The following NRXN1 variants were observed in gnomAD, a reference collection of about 807,000 sequenced individuals.
NRXN1 encodes neurexin 1.
Under a neutral mutation model 150.9 loss-of-function variants are expected in NRXN1, and 39 were observed. The ratio of observed to expected loss-of-function variants is 0.26; its 90% CI spans 0.20 to 0.34. The LOEUF (loss-of-function observed/expected upper bound fraction) is 0.34, where lower values mean the gene tolerates loss of function less well. Ranked by LOEUF, NRXN1 falls within the 10% of genes least tolerant of loss-of-function variation. The pLI is 1.00. For synonymous variants in NRXN1, 924 were observed against 757.0 expected, an observed-to-expected ratio of 1.22 and a Z score of -3.62; for missense variants, 1,815 against 1,949.9, an observed-to-expected ratio of 0.93 and a Z score of 1.30.
intron 21 of NRXN1, among the ~76,000 whole-genome samples, chr2:49,996,552 G>A (rs895524707): frequency 3.3e-5 from 5 of 152,184 alleles, no homozygotes; most frequent in East Asian, 1.9e-4. Flanking sequence ...ATCCTGGATT[G>A]TCTGGTGGGC....
At chr2:49,975,148 C>A (rs1678730829) in intron 21 of NRXN1, among the ~76,000 whole-genome samples, 1 of 150,834 alleles carries the variant, frequency 6.6e-6, no homozygotes, top group Non-Finnish European at 1.5e-5. Flanking sequence ...TACAGTCTGA[C>A]AGGGTAGGCT....
At chr2:50,567,448 C>T (rs1670043836) in intron 8 of NRXN1, among the ~76,000 whole-genome samples, 1 of 152,050 alleles carries the variant, frequency 6.6e-6, no homozygotes, top group Non-Finnish European at 1.5e-5. Context: ...GAGATACTCA[C>T]TTTGGAACAA....
At chr2:50,745,366 G>GCCTCC (rs1699897932) in intron 5 of NRXN1, among the ~76,000 whole-genome samples, 1 of 138,028 alleles carries the variant, frequency 7.2e-6, no homozygotes, top group Non-Finnish European at 1.5e-5. Flanking sequence ...GCTAATAAGT[G>GCCTCC]CCTCCCCTCC....
chr2:50,905,373 T>C (rs1683524511), intron 5 of NRXN1, among the ~76,000 whole-genome samples: 1 of 152,124 alleles, frequency 6.6e-6, no homozygotes, highest in Admixed American at 6.6e-5. Context: ...CACATAAATG[T>C]GTGAGTCTGG....
At chr2:51,027,222 G>A (rs946320153) in intron 2 of NRXN1, among the ~76,000 whole-genome samples, 25 of 152,182 alleles carry the variant, frequency 1.6e-4, no homozygotes, top group Non-Finnish European at 1.8e-4. Flanking sequence ...GGAATAAGAA[G>A]AGGCCATTGT....
At position 50,154,400 on chromosome 2, in the gene NRXN1, T is replaced by C. The variant is rs547476193; in HGVS notation, c.3547-62906A>G. Among the ~76,000 whole-genome samples, 3 of 151,730 alleles carry C rather than the reference T, an allele frequency of 2.0e-5. No individual in the cohort carries two copies. The East Asian group carries it at 5.8e-4, about 29-fold the overall frequency. On this transcript the variant is annotated intron_variant, in intron 18 of 22. Coordinates refer to ENST00000401669, the MANE Select transcript of NRXN1 (RefSeq NM_001330078.2). ...ACAAAAAAAACAGTGTGGAAAAAAT[T>C]AAGAAGCATGGGAATTGTAAATAAT...
intron 2 of NRXN1, among the ~76,000 whole-genome samples, chr2:50,983,770 T>C (rs1575125091): frequency 1.3e-5 from 2 of 152,232 alleles, no homozygotes; most frequent in Non-Finnish European, 1.5e-5. Flanking sequence ...AGGATGGATC[T>C]TGTCTATGTA....
intron 5 of NRXN1, among the ~76,000 whole-genome samples, chr2:50,899,886 T>G (rs978178756): frequency 6.6e-6 from 1 of 152,174 alleles, no homozygotes; most frequent in Non-Finnish European, 1.5e-5. Flanking sequence ...TTAGAAAGAA[T>G]TTTTGAATGT....
At chr2:50,619,604 G>A in intron 8 of NRXN1, 2 of 288,056 alleles carry the variant, frequency 6.9e-6, no homozygotes, top group Non-Finnish European at 6.3e-6. Flanking sequence ...CATAGTCGTT[G>A]CTTCTCCTAT....
At chr2:50,084,006 A>G (rs1698379217) in intron 19 of NRXN1, among the ~76,000 whole-genome samples, 1 of 152,178 alleles carries the variant, frequency 6.6e-6, no homozygotes. Context: ...CCTTAGCTAG[A>G]CATAAAGATT....
At chr2:50,591,180 A>T (rs1674131035) in intron 8 of NRXN1, among the ~76,000 whole-genome samples, 1 of 152,150 alleles carries the variant, frequency 6.6e-6, no homozygotes, top group Non-Finnish European at 1.5e-5. Context: ...GGCTTATTCA[A>T]CATTTTATCT....
chr2:50,348,621 A>C (rs902981505), intron 17 of NRXN1, among the ~76,000 whole-genome samples: 9 of 152,150 alleles, frequency 5.9e-5, no homozygotes, highest in Non-Finnish European at 1.0e-4. Context: ...TATGCTTTTG[A>C]TGAAATACAG....
chr2:50,701,881 C>T (rs558062804), intron 5 of NRXN1, among the ~76,000 whole-genome samples: 8 of 152,176 alleles, frequency 5.3e-5, no homozygotes, highest in Admixed American at 5.2e-4. Context: ...TAGTTTTTTA[C>T]TATAAGAATA....
intron 5 of NRXN1, among the ~76,000 whole-genome samples, chr2:50,678,178 C>T (rs1208503483): frequency 6.6e-6 from 1 of 152,118 alleles, no homozygotes; most frequent in Admixed American, 6.6e-5. Context: ...CTAAACTAAG[C>T]ACTGCATCTG....
intron 17 of NRXN1, among the ~76,000 whole-genome samples, chr2:50,450,603 A>G (rs889200393): frequency 6.6e-6 from 1 of 152,184 alleles, no homozygotes; most frequent in Non-Finnish European, 1.5e-5. Context: ...AAGGTAATTT[A>G]CCATGTAGAT....
chr2:50,091,610 A>G (rs1699588251), intron 18 of NRXN1, 116 bp from the exon 19 acceptor site: 6 of 1,078,210 alleles, frequency 5.6e-6, no homozygotes, highest in Non-Finnish European at 6.9e-6. Context: ...GCTTTCCTCC[A>G]ATTTTACTTC....
chr2:50,981,083 C>T (rs562247706), intron 2 of NRXN1, among the ~76,000 whole-genome samples: 24 of 152,048 alleles, frequency 1.6e-4, no homozygotes, highest in South Asian at 4.2e-4. Context: ...ATGTAAGGTC[C>T]AAGCCCTTCT....
At chr2:50,576,650 T>G (rs1468326511) in intron 8 of NRXN1, among the ~76,000 whole-genome samples, 3 of 152,122 alleles carry the variant, frequency 2.0e-5, no homozygotes, top group Non-Finnish European at 2.9e-5. Context: ...ATGCTTCCAG[T>G]TCTCTTTTAT....
At chr2:50,937,426 T>C (rs1220787620) in intron 2 of NRXN1, among the ~76,000 whole-genome samples, 2 of 152,202 alleles carry the variant, frequency 1.3e-5, no homozygotes, top group East Asian at 3.9e-4. Flanking sequence ...TGGGAATGAG[T>C]ATGTTTCTTT....
Sources: gnomAD v4.1 joint callset for allele counts (sites outside exome capture counted in the v4.1 genomes callset) on GRCh38, gnomAD v4.1.1 for gene constraint, MANE v1.5 for transcripts, NCBI Gene and HGNC (gene_info 2026-07-23, HGNC 2026-07-21) for gene names.